SDK1: variants seen among roughly 807,000 people sequenced by gnomAD.
SDK1 encodes protein sidekick-1.
Under a neutral mutation model 245.5 loss-of-function variants are expected in SDK1, and 157 were observed. That is an observed-to-expected ratio of 0.64 (90% CI 0.56 to 0.73). The LOEUF (loss-of-function observed/expected upper bound fraction) is 0.73, where lower values mean the gene tolerates loss of function less well. Ranked by LOEUF, SDK1 falls within the 30% of genes least tolerant of loss-of-function variation. The pLI, the probability that SDK1 is intolerant of heterozygous loss-of-function variation, is 0.00. For missense variants in SDK1, 3,583 were observed against 3,002.3 expected (o/e 1.19, Z -4.52); for synonymous variants, 1,647 against 1,278.5 (o/e 1.29, Z -6.15).
intron 3 of SDK1, among the ~76,000 whole-genome samples, chr7:3,641,549 T>C (rs951226777): frequency 6.6e-6 from 1 of 152,174 alleles, no homozygotes; most frequent in Admixed American, 6.5e-5. Context: ...CAAGGGCCGG[T>C]GCCGGGCTGG....
rs534883210 is a variant in SDK1, at chr7:3,955,245, C to T, written c.1150+3325C>T. On this transcript the variant is annotated intron_variant, in intron 7 of 44. Transcript: ENST00000404826. ...AGTGCTTGTGGCTTGGGGGCTGGCT[C>T]CTGGCCAGGGGTCCCCTCAGGTTCC... Among the ~76,000 whole-genome samples, 489 of 152,274 alleles carry T rather than the reference C, an allele frequency of 3.2e-3. 2 individuals carry two copies. Among genetic ancestry groups the T allele is most frequent in the African/African-American group, 0.011 (461 of 41,572 alleles).
At chr7:3,995,515 A>C (rs1784635119) in intron 14 of SDK1, among the ~76,000 whole-genome samples, 2 of 152,212 alleles carry the variant, frequency 1.3e-5, no homozygotes, top group Admixed American at 1.3e-4. Context: ...AGCAGTGCTG[A>C]ATCAACCAAT....
At chr7:4,256,821 A>G (rs545134595) in intron 44 of SDK1, among the ~76,000 whole-genome samples, 9 of 152,300 alleles carry the variant, frequency 5.9e-5, no homozygotes, top group African/African-American at 1.9e-4. Context: ...TCTCCTGAGA[A>G]GCGAAGATTT....
chr7:3,848,612 A>T (rs1230564126), intron 5 of SDK1, among the ~76,000 whole-genome samples: 1 of 152,084 alleles, frequency 6.6e-6, no homozygotes, highest in Non-Finnish European at 1.5e-5. Context: ...CCCCAGGGGA[A>T]CAGGGAACAT....
intron 4 of SDK1, among the ~76,000 whole-genome samples, chr7:3,805,837 G>A (rs545209153): frequency 2.6e-5 from 4 of 152,172 alleles, no homozygotes; most frequent in Admixed American, 2.6e-4. Flanking sequence ...GTCAAAGAAT[G>A]ACCAAATTAA....
intron 1 of SDK1, among the ~76,000 whole-genome samples, chr7:3,552,093 C>T (rs544325547): frequency 2.6e-5 from 4 of 151,872 alleles, no homozygotes; most frequent in East Asian, 3.9e-4. Context: ...GGCTGGAGTG[C>T]GGTGGCGCAA....
chr7:3,507,665 C>G (rs1475558396), intron 1 of SDK1, among the ~76,000 whole-genome samples: 1 of 152,168 alleles, frequency 6.6e-6, no homozygotes, highest in East Asian at 1.9e-4. Context: ...CTGACACATT[C>G]TAAGTGGTTA....
chr7:3,855,990 TTTACTGAAAC>T (rs1288514382), intron 5 of SDK1, among the ~76,000 whole-genome samples: 1 of 152,152 alleles, frequency 6.6e-6, no homozygotes, highest in Non-Finnish European at 1.5e-5. Flanking sequence ...TAATAAAGAA[TTTACTGAAAC>T]TTACTGTTAA....
At chr7:3,394,203 G>A (rs1011813753) in intron 1 of SDK1, among the ~76,000 whole-genome samples, 5 of 152,000 alleles carry the variant, frequency 3.3e-5, no homozygotes, top group Non-Finnish European at 7.4e-5. Flanking sequence ...CTTCTCCCCC[G>A]ACCCTCATTT....
At chr7:3,567,365 CTAT>C (rs1219354982) in intron 1 of SDK1, among the ~76,000 whole-genome samples, 5 of 152,136 alleles carry the variant, frequency 3.3e-5, no homozygotes, top group Non-Finnish European at 7.3e-5. Flanking sequence ...TCAGTAGCAG[CTAT>C]TATTGTGGAA....
At chr7:3,317,838 G>A (rs1250490048) in intron 1 of SDK1, among the ~76,000 whole-genome samples, 1 of 152,126 alleles carries the variant, frequency 6.6e-6, no homozygotes, top group Non-Finnish European at 1.5e-5. Flanking sequence ...AGGAGCCTAA[G>A]GTAACCTTTC....
chr7:3,768,378 T>C (rs1195045168), intron 4 of SDK1, among the ~76,000 whole-genome samples: 1 of 152,222 alleles, frequency 6.6e-6, no homozygotes, highest in African/African-American at 2.4e-5. Flanking sequence ...AGCATGCTGA[T>C]GAAATGTTGC....
intron 1 of SDK1, among the ~76,000 whole-genome samples, chr7:3,465,221 C>T (rs1330233876): frequency 6.6e-6 from 1 of 152,120 alleles, no homozygotes; most frequent in African/African-American, 2.4e-5. Context: ...TCTCTGGATT[C>T]TGGGCTCAAG....
chr7:3,980,968 T>A (rs1783356728), intron 13 of SDK1, among the ~76,000 whole-genome samples: 1 of 151,678 alleles, frequency 6.6e-6, no homozygotes, highest in African/African-American at 2.4e-5. Flanking sequence ...AAAAAAGAAA[T>A]AGTTTATATT....
chr7:3,453,597 G>C (rs895113545), intron 1 of SDK1, among the ~76,000 whole-genome samples: 3 of 152,126 alleles, frequency 2.0e-5, no homozygotes, highest in African/African-American at 7.2e-5. Flanking sequence ...AAGGAATGCC[G>C]ACAGCTGCCT....
At position 4,145,880 on chromosome 7, in the gene SDK1, C is replaced by T; in HGVS notation, c.4387C>T (p.Pro1463Ser). 1 of 1,612,180 alleles carries T rather than the reference C, an allele frequency of 6.2e-7. No homozygotes were observed. Among genetic ancestry groups the T allele is most frequent in the Middle Eastern group, 1.7e-4 (1 of 6,044 alleles). The change falls in exon 29 of 45, where the codon CCA becomes TCA. Residue 1463 changes from proline to serine, a missense_variant. By Grantham distance (74) the Pro-to-Ser change is moderately conservative. Transcript: ENST00000404826. The stretch of plus-strand genomic sequence containing the variant: ...CAAGACGAGGCAGGGCTGGGGGGAG[C>T]CACTGGAGGCCACCGTCATCACCAC... The part of the protein sequence containing the change: ...SAKTRQGWGE[P>S]LEATVITTEK...
intron 1 of SDK1, among the ~76,000 whole-genome samples, chr7:3,410,391 C>T (rs1238121112): frequency 2.6e-5 from 4 of 151,928 alleles, no homozygotes; most frequent in South Asian, 2.1e-4. Flanking sequence ...TTCAAGATAC[C>T]GCATTATGTA....
intron 13 of SDK1, among the ~76,000 whole-genome samples, chr7:3,982,649 G>A (rs568800960): frequency 3.3e-5 from 5 of 151,982 alleles, no homozygotes; most frequent in African/African-American, 1.2e-4. Flanking sequence ...GACCATCCTG[G>A]CTAACATGGT....
intron 1 of SDK1, among the ~76,000 whole-genome samples, chr7:3,394,529 A>T (rs1781843266): frequency 1.3e-5 from 2 of 152,070 alleles, no homozygotes; most frequent in African/African-American, 2.4e-5. Flanking sequence ...TTTGCATTTT[A>T]GGACCTGCTT....
Sources: allele counts gnomAD v4.1 joint callset (sites outside exome capture counted in the v4.1 genomes callset), GRCh38; gene constraint gnomAD v4.1.1; transcripts MANE v1.5; gene names NCBI Gene and HGNC (gene_info 2026-07-23, HGNC 2026-07-21).